Variants in PARD3B observed in about 807,000 individuals in gnomAD.
The protein encoded by PARD3B is par-3 family cell polarity regulator beta.
PARD3B carries 103 observed loss-of-function variants against 130.2 expected under a neutral mutation model. The observed-to-expected ratio is 0.79, with a 90% CI of 0.67 to 0.93. The LOEUF (loss-of-function observed/expected upper bound fraction) is 0.93, where lower values mean the gene tolerates loss of function less well. PARD3B is among the 40% of genes least tolerant of loss of function. The pLI, the probability that PARD3B is intolerant of heterozygous loss-of-function variation, is 0.00. For missense variants in PARD3B, 1,609 were observed against 1,499.2 expected, an observed-to-expected ratio of 1.07 and a Z score of -1.21; for synonymous variants, 583 against 553.2, an observed-to-expected ratio of 1.05 and a Z score of -0.76.
chr2:205,323,165 T>C (rs2042813931), intron 18 of PARD3B, among the ~76,000 whole-genome samples: 1 of 151,916 alleles, frequency 6.6e-6, no homozygotes, highest in Non-Finnish European at 1.5e-5. Flanking sequence ...CGCCTCAGCC[T>C]CCCAAAGTGC....
At chr2:204,632,312 A>G (rs2034707219) in intron 1 of PARD3B, among the ~76,000 whole-genome samples, 2 of 152,086 alleles carry the variant, frequency 1.3e-5, no homozygotes, top group African/African-American at 4.8e-5. Context: ...TCTTTCCTTT[A>G]TAAATTACCC....
At chr2:205,531,406 A>G (rs1438836332) in intron 21 of PARD3B, among the ~76,000 whole-genome samples, 1 of 152,226 alleles carries the variant, frequency 6.6e-6, no homozygotes, top group Non-Finnish European at 1.5e-5. Flanking sequence ...AGTCTAAAGA[A>G]GAATCGCCTG....
chr2:204,977,811 C>CAAAAAA (rs35974349), intron 3 of PARD3B, among the ~76,000 whole-genome samples: 54 of 58,428 alleles, frequency 9.2e-4, no homozygotes, highest in African/African-American at 1.0e-3. Context: ...GACTCCGGCT[C>CAAAAAA]AAAAAAAAAA....
intron 10 of PARD3B, among the ~76,000 whole-genome samples, chr2:205,149,396 T>C (rs931327691): frequency 6.6e-6 from 1 of 152,142 alleles, no homozygotes; most frequent in Non-Finnish European, 1.5e-5. Context: ...GATTCCTATA[T>C]AAGTAAAAGG....
chr2:205,259,941 A>C (rs2040237233), intron 16 of PARD3B, among the ~76,000 whole-genome samples: 1 of 152,166 alleles, frequency 6.6e-6, no homozygotes, highest in South Asian at 2.1e-4. Flanking sequence ...TGTTGTACAC[A>C]TAGGCTGAAG....
At chr2:205,161,417 G>T (rs939915089) in intron 11 of PARD3B, among the ~76,000 whole-genome samples, 2 of 152,124 alleles carry the variant, frequency 1.3e-5, no homozygotes, top group Non-Finnish European at 2.9e-5. Context: ...CATGAACTTA[G>T]CCTTCTTGTG....
intron 2 of PARD3B, among the ~76,000 whole-genome samples, chr2:204,885,491 A>C (rs971481331): frequency 3.3e-5 from 5 of 152,200 alleles, no homozygotes; most frequent in African/African-American, 9.6e-5. Flanking sequence ...TTAAGAGAGA[A>C]CTAATATTAA....
At chr2:204,850,938 T>A (rs974590956) in intron 2 of PARD3B, among the ~76,000 whole-genome samples, 1 of 152,288 alleles carries the variant, frequency 6.6e-6, no homozygotes. Flanking sequence ...TTCCATCTGG[T>A]AGAGTAAGAC....
At chr2:205,132,190 C>T (rs540932149) in intron 10 of PARD3B, among the ~76,000 whole-genome samples, 1 of 152,204 alleles carries the variant, frequency 6.6e-6, no homozygotes, top group East Asian at 1.9e-4. Flanking sequence ...ATTTTCCCAC[C>T]TGTTAAGAAT....
chr2:205,019,866 A>G (rs2125329185), intron 3 of PARD3B, among the ~76,000 whole-genome samples: 1 of 152,324 alleles, frequency 6.6e-6, no homozygotes, highest in Admixed American at 6.5e-5. Flanking sequence ...CTGAGAGAAT[A>G]GGGCATGGCA....
chr2:205,574,905 A>T (rs2053694366), intron 22 of PARD3B, among the ~76,000 whole-genome samples: 1 of 151,496 alleles, frequency 6.6e-6, no homozygotes, highest in Admixed American at 6.6e-5. Flanking sequence ...CCAAAGACAG[A>T]ATTTACAGAC....
chr2:204,905,340 G>A (rs1190535292), intron 2 of PARD3B, among the ~76,000 whole-genome samples: 1 of 152,174 alleles, frequency 6.6e-6, no homozygotes, highest in East Asian at 1.9e-4. Flanking sequence ...TGGGAGAGGA[G>A]AGGAGAACCA....
At chr2:204,607,907 A>C (rs1380441257) in intron 1 of PARD3B, among the ~76,000 whole-genome samples, 1 of 152,182 alleles carries the variant, frequency 6.6e-6, no homozygotes, top group Admixed American at 6.5e-5. Flanking sequence ...TGTTAAAGCT[A>C]TGGCATTTAT....
chr2:204,944,986 G>A (rs1689198142), intron 2 of PARD3B, among the ~76,000 whole-genome samples: 1 of 152,216 alleles, frequency 6.6e-6, no homozygotes, highest in East Asian at 1.9e-4. Flanking sequence ...TTAATCTTTT[G>A]TTGGGAATAT....
intron 2 of PARD3B, among the ~76,000 whole-genome samples, chr2:204,760,568 G>A (rs771193712): frequency 6.6e-6 from 1 of 151,916 alleles, no homozygotes; most frequent in Non-Finnish European, 1.5e-5. Flanking sequence ...TATTAATAAG[G>A]AAGTTTCAAC....
chr2:204,701,699 G>T (rs910617638), intron 2 of PARD3B, among the ~76,000 whole-genome samples: 5 of 152,020 alleles, frequency 3.3e-5, no homozygotes, highest in African/African-American at 1.2e-4. Context: ...AGTATTTAAC[G>T]ATGACTTCTA....
At chr2:205,312,117 T>TG (rs886983011) in intron 18 of PARD3B, among the ~76,000 whole-genome samples, 1 of 152,208 alleles carries the variant, frequency 6.6e-6, no homozygotes, top group Non-Finnish European at 1.5e-5. Flanking sequence ...TAACAGCTGT[T>TG]ACAGGTCTCA....
intron 3 of PARD3B, among the ~76,000 whole-genome samples, chr2:204,965,620 A>C (rs1028166102): frequency 2.6e-5 from 4 of 152,122 alleles, no homozygotes; most frequent in Admixed American, 2.6e-4. Context: ...TTTTTAAAAA[A>C]TTCCTGAAAA....
chr2:205,053,353 T>A (rs1382042087), intron 4 of PARD3B, among the ~76,000 whole-genome samples: 1 of 144,214 alleles, frequency 6.9e-6, no homozygotes, highest in Non-Finnish European at 1.5e-5. Context: ...AAATCCAACA[T>A]AAGGCAGGGT....
Sources: allele counts gnomAD v4.1 joint callset (sites outside exome capture counted in the v4.1 genomes callset), GRCh38; gene constraint gnomAD v4.1.1; transcripts MANE v1.5; gene names NCBI Gene and HGNC (gene_info 2026-07-23, HGNC 2026-07-21).